Variants in RAB38 observed in about 807,000 individuals in gnomAD.
RAB38 encodes the protein RAB38, member RAS oncogene family, also known as ras-related protein Rab-38.
In RAB38, 15 loss-of-function variants were observed where a neutral mutation model predicts 18.4. That is an observed-to-expected ratio of 0.82 (90% confidence interval 0.55 to 1.26). The LOEUF is 1.26. Ranked by LOEUF, RAB38 falls within the 50% of genes most tolerant of loss-of-function variation. The pLI, the probability that RAB38 is intolerant of heterozygous loss-of-function variation, is 0.00. For missense variants in RAB38, 294 were observed against 267.4 expected (o/e 1.10, Z -0.69); for synonymous variants, 101 against 104.4 (o/e 0.97, Z 0.20).
chr11:87,953,615 T>C, the RAB38 span, among the ~76,000 whole-genome samples: 1 of 152,174 alleles, frequency 6.6e-6, no homozygotes, highest in Non-Finnish European at 1.5e-5. Flanking sequence ...GTCTAATTTA[T>C]AAATTGAATT....
intron 1 of RAB38, among the ~76,000 whole-genome samples, chr11:88,161,931 A>G (rs915469237): frequency 6.6e-6 from 1 of 152,088 alleles, no homozygotes; most frequent in Non-Finnish European, 1.5e-5. Context: ...GATGTTCTCT[A>G]TATTTCTAGG....
chr11:87,833,726 C>A, the RAB38 span, among the ~76,000 whole-genome samples: 1 of 152,186 alleles, frequency 6.6e-6, no homozygotes, highest in South Asian at 2.1e-4. Flanking sequence ...GTAGAAGAAC[C>A]CAAGGAATCC....
chr11:88,102,000 G>C, the RAB38 span, among the ~76,000 whole-genome samples: 1 of 151,940 alleles, frequency 6.6e-6, no homozygotes, highest in African/African-American at 2.4e-5. Context: ...GAAAAACGAT[G>C]ACAGCAAATA....
At chr11:88,010,180 G>T in the RAB38 span, among the ~76,000 whole-genome samples, 1 of 152,076 alleles carries the variant, frequency 6.6e-6, no homozygotes, top group African/African-American at 2.4e-5. Flanking sequence ...TTAGACTAGG[G>T]ATGCTTTATA....
chr11:87,969,307 C>G, the RAB38 span, among the ~76,000 whole-genome samples: 9 of 152,098 alleles, frequency 5.9e-5, no homozygotes, highest in Non-Finnish European at 1.0e-4. Flanking sequence ...ATATCCCCCC[C>G]CAATAGAGTA....
chr11:87,949,330 C>T, the RAB38 span, among the ~76,000 whole-genome samples: 33 of 152,190 alleles, frequency 2.2e-4, no homozygotes, highest in African/African-American at 7.9e-4. Context: ...TTGATCCTTT[C>T]AAAAAACCAG....
chr11:87,976,982 ATAATTACATTATACAAGT>A, the RAB38 span, among the ~76,000 whole-genome samples: 1,389 of 31,208 alleles, frequency 0.045, 585 homozygotes, highest in African/African-American at 0.048. Flanking sequence ...ATTATAAAAT[ATAATTACATTATACAAGT>A]ATATTATAAA....
the RAB38 span, among the ~76,000 whole-genome samples, chr11:87,912,766 C>CTTT: frequency 2.7e-4 from 31 of 114,524 alleles, no homozygotes; most frequent in East Asian, 2.3e-3. Flanking sequence ...TTCTTTCTTT[C>CTTT]TTTTTTTTTT....
chr11:87,860,251 T>C, the RAB38 span, among the ~76,000 whole-genome samples: 3 of 152,036 alleles, frequency 2.0e-5, no homozygotes, highest in African/African-American at 7.2e-5. Flanking sequence ...TAAAGCAACA[T>C]GACTTTAGTT....
chr11:87,920,518 A>G, the RAB38 span, among the ~76,000 whole-genome samples: 2,526 of 152,106 alleles, frequency 0.017, 33 homozygotes, highest in Non-Finnish European at 0.027. Context: ...TATGATTTCA[A>G]TCTTCTTCAA....
At chr11:88,145,406 C>T (rs1942972401) in intron 2 of RAB38, among the ~76,000 whole-genome samples, 1 of 152,120 alleles carries the variant, frequency 6.6e-6, no homozygotes, top group Non-Finnish European at 1.5e-5. Flanking sequence ...CTCGGCCTCC[C>T]AAAGTGCTGA....
At chr11:88,098,642 G>A in the RAB38 span, 1 of 152,022 alleles carries the variant, frequency 6.6e-6, no homozygotes, top group South Asian at 2.1e-4. Context: ...GAAAGAATGT[G>A]TAAAATAGGT....
chr11:87,853,817 G>C, the RAB38 span, among the ~76,000 whole-genome samples: 1 of 152,118 alleles, frequency 6.6e-6, no homozygotes, highest in Non-Finnish European at 1.5e-5. Context: ...CAGTTTTGTA[G>C]GCCAGAAATC....
intron 1 of RAB38, among the ~76,000 whole-genome samples, chr11:88,172,427 T>C (rs1051024090): frequency 6.6e-6 from 1 of 152,228 alleles, no homozygotes; most frequent in Non-Finnish European, 1.5e-5. Context: ...AGGGCCCTAT[T>C]TGGCATTGAA....
chr11:87,949,209 T>G, the RAB38 span, among the ~76,000 whole-genome samples: 1 of 152,200 alleles, frequency 6.6e-6, no homozygotes, highest in Non-Finnish European at 1.5e-5. Context: ...GACGGTAGTT[T>G]GTATTTCTGT....
At chr11:88,081,464 G>A in the RAB38 span, among the ~76,000 whole-genome samples, 27 of 151,988 alleles carry the variant, frequency 1.8e-4, no homozygotes, top group African/African-American at 5.8e-4. Context: ...GGATGTTAAG[G>A]TGCTGACAGG....
chr11:88,174,637 A>AAAAAAAAAC (rs1555014231), intron 1 of RAB38, among the ~76,000 whole-genome samples: 36 of 133,626 alleles, frequency 2.7e-4, no homozygotes, highest in African/African-American at 8.3e-4. Context: ...AAAAAAAAAA[A>AAAAAAAAAC]AAAACAAAAC....
At chr11:88,114,274 C>G in intron 2 of RAB38, 134 bp from the exon 3 acceptor site, 1 of 932,682 alleles carries the variant, frequency 1.1e-6, no homozygotes, top group Non-Finnish European at 1.6e-6. Context: ...CTGTTTCCCT[C>G]ACTCTTATTT....
the RAB38 span, among the ~76,000 whole-genome samples, chr11:87,910,821 G>C: frequency 7.3e-5 from 11 of 151,654 alleles, no homozygotes; most frequent in Non-Finnish European, 1.3e-4. Context: ...ATTTTTAGTA[G>C]AGACGGGGTT....
Sources: gnomAD v4.1 joint callset for allele counts (sites outside exome capture counted in the v4.1 genomes callset) on GRCh38, gnomAD v4.1.1 for gene constraint, MANE v1.5 for transcripts, NCBI Gene and HGNC (gene_info 2026-07-23, HGNC 2026-07-21) for gene names.